Variants in PHACTR1 observed in about 807,000 individuals in gnomAD.
The protein encoded by PHACTR1 is phosphatase and actin regulator 1.
A neutral mutation model predicts 69.2 loss-of-function variants in PHACTR1; 16 were observed. The ratio of observed to expected loss-of-function variants is 0.23; its 90% confidence interval spans 0.16 to 0.35. PHACTR1 has a LOEUF of 0.35. Among genes scored for constraint, PHACTR1 ranks in the 10% least tolerant of loss-of-function variants. PHACTR1 has a pLI of 1.00. For synonymous variants in PHACTR1, 312 were observed against 284.5 expected, an observed-to-expected ratio of 1.10 and a Z score of -0.97; for missense variants, 510 against 734.7, an observed-to-expected ratio of 0.69 and a Z score of 3.54.
Position 13,283,378 on chromosome 6 carries a change from C to CAACCCTTCTGGCT in PHACTR1, c.1510-43_1510-31dup, listed in dbSNP as rs1562125055. On this transcript the variant is annotated intron_variant, in intron 12 of 14. Coordinates refer to ENST00000332995, the MANE Select transcript of PHACTR1 (RefSeq NM_030948.6). The surrounding 1 kb of genome is among the most constrained non-coding windows in gnomAD (Gnocchi z 4.7). ...CACAGACAGGACCAAGTGCCATGGTCAACCCTTCTGGCTGACTGGGTCCAT... is the reference window on the plus strand; with the variant it reads ...CACAGACAGGACCAAGTGCCATGGTCAACCCTTCTGGCTAACCCTTCTGGCTGACTGGGTCCAT... The CAACCCTTCTGGCT allele has an allele frequency of 6.3e-7, 1 of 1,597,142 alleles. No homozygotes were observed. Among genetic ancestry groups the CAACCCTTCTGGCT allele is most frequent in the East Asian group, 2.3e-5 (1 of 43,930 alleles).
chr6:12,754,478 A>C (rs142572934), intron 4 of PHACTR1, among the ~76,000 whole-genome samples: 1 of 152,262 alleles, frequency 6.6e-6, no homozygotes, highest in East Asian at 1.9e-4. Context: ...TGCTTCCTGT[A>C]TTTGGTAGGC....
intron 4 of PHACTR1, among the ~76,000 whole-genome samples, chr6:12,833,470 G>A (rs1468980242): frequency 1.3e-5 from 2 of 151,918 alleles, no homozygotes. Context: ...TGTTGGCCAG[G>A]CTGGTCTCAA....
At chr6:12,952,075 A>T (rs921277740) in intron 4 of PHACTR1, among the ~76,000 whole-genome samples, 3 of 152,230 alleles carry the variant, frequency 2.0e-5, no homozygotes, top group African/African-American at 7.2e-5. Flanking sequence ...ATATTTTAAA[A>T]AAACAGGCAT....
chr6:12,974,088 A>C (rs1319296892), intron 4 of PHACTR1, among the ~76,000 whole-genome samples: 1 of 151,760 alleles, frequency 6.6e-6, no homozygotes, highest in African/African-American at 2.4e-5. Context: ...CGCCCGGCTA[A>C]TTTTTGTATT....
intron 5 of PHACTR1, among the ~76,000 whole-genome samples, chr6:13,151,304 C>T (rs1397376579): frequency 6.6e-6 from 1 of 152,226 alleles, no homozygotes; most frequent in Non-Finnish European, 1.5e-5. Context: ...GTAATCTGAG[C>T]AGGACCAAAT....
At chr6:12,809,487 A>C (rs1477901536) in intron 4 of PHACTR1, among the ~76,000 whole-genome samples, 1 of 152,194 alleles carries the variant, frequency 6.6e-6, no homozygotes, top group African/African-American at 2.4e-5. Context: ...CCAAACTGGC[A>C]TGAGAGATGA....
At chr6:13,227,719 C>A in intron 8 of PHACTR1, 97 bp from the exon 9 acceptor site, 1 of 1,472,860 alleles carries the variant, frequency 6.8e-7, no homozygotes, top group Admixed American at 2.0e-5. Context: ...CCCTTTGTCT[C>A]TTAGGACTGG....
Position 13,143,180 on chromosome 6 carries a change from C to CA in PHACTR1, c.416-17017dup, listed in dbSNP as rs549502945. Among the ~76,000 whole-genome samples, 107 of 151,940 alleles carry CA rather than the reference C, an allele frequency of 7.0e-4. 1 individual carries two copies. In the East Asian group the frequency reaches 0.018, roughly 25 times the overall value. On this transcript the variant is annotated intron_variant, in intron 5 of 14. Coordinates refer to ENST00000332995, the MANE Select transcript of PHACTR1 (RefSeq NM_030948.6). The stretch of plus-strand genomic sequence containing the variant: ...GGGAAGTGGAGATGGTTAATGGGTA[C>CA]AAAAAAATAGTTGAAAATGAATAAG...
At chr6:13,064,037 TA>T (rs1808108792) in intron 5 of PHACTR1, among the ~76,000 whole-genome samples, 1 of 152,222 alleles carries the variant, frequency 6.6e-6, no homozygotes, top group African/African-American at 2.4e-5. Flanking sequence ...ACAACTTCTA[TA>T]AATATTGTGT....
At chr6:13,151,964 C>T (rs1488607371) in intron 5 of PHACTR1, among the ~76,000 whole-genome samples, 1 of 151,858 alleles carries the variant, frequency 6.6e-6, no homozygotes, top group South Asian at 2.1e-4. Context: ...TTTAAATGCC[C>T]TATTTTTAAC....
intron 4 of PHACTR1, among the ~76,000 whole-genome samples, chr6:12,774,176 T>C (rs561891915): frequency 5.9e-5 from 9 of 152,336 alleles, no homozygotes; most frequent in Admixed American, 2.6e-4. Context: ...TTTTAGCCTT[T>C]CATATGTTTT....
At chr6:12,966,298 T>C (rs1180898377) in intron 4 of PHACTR1, among the ~76,000 whole-genome samples, 1 of 152,212 alleles carries the variant, frequency 6.6e-6, no homozygotes, top group Non-Finnish European at 1.5e-5. Context: ...ATGATGTCAT[T>C]GAATCCTCAC....
chr6:13,204,620 T>C (rs1335905077), intron 7 of PHACTR1, among the ~76,000 whole-genome samples: 1 of 152,270 alleles, frequency 6.6e-6, no homozygotes. Context: ...AACCCAGCAG[T>C]TGGTCCTAGG....
intron 7 of PHACTR1, among the ~76,000 whole-genome samples, chr6:13,200,571 A>C (rs548011395): frequency 6.6e-6 from 1 of 152,178 alleles, no homozygotes; most frequent in Non-Finnish European, 1.5e-5. Flanking sequence ...TGCTCTAAGA[A>C]ATAGTGCCCT....
chr6:12,865,416 A>G (rs536806145), intron 4 of PHACTR1, among the ~76,000 whole-genome samples: 1 of 152,206 alleles, frequency 6.6e-6, no homozygotes, highest in East Asian at 1.9e-4. Context: ...TCTAGATTCC[A>G]ATATGAGGCT....
chr6:12,731,455 G>A (rs1763513998), intron 3 of PHACTR1, among the ~76,000 whole-genome samples: 1 of 152,214 alleles, frequency 6.6e-6, no homozygotes. Context: ...TCTCTGAAAA[G>A]CTAGACCACA....
At chr6:12,994,950 A>G (rs1427240959) in intron 4 of PHACTR1, among the ~76,000 whole-genome samples, 1 of 152,176 alleles carries the variant, frequency 6.6e-6, no homozygotes, top group African/African-American at 2.4e-5. Context: ...TTTGTTAATC[A>G]TAGACCCTCA....
intron 8 of PHACTR1, among the ~76,000 whole-genome samples, chr6:13,212,898 C>T (rs1767091695): frequency 6.6e-6 from 1 of 152,182 alleles, no homozygotes; most frequent in African/African-American, 2.4e-5. Context: ...ACCCTCCTCG[C>T]AACACAGCCT....
chr6:12,861,443 G>A (rs1464170466), intron 4 of PHACTR1, among the ~76,000 whole-genome samples: 6 of 152,210 alleles, frequency 3.9e-5, no homozygotes, highest in Non-Finnish European at 8.8e-5. Context: ...CTCAAGTTAA[G>A]ACAGGCATTT....
Sources: allele counts gnomAD v4.1 joint callset (sites outside exome capture counted in the v4.1 genomes callset), GRCh38; gene constraint gnomAD v4.1.1; non-coding constraint Gnocchi (gnomAD v3.1); transcripts MANE v1.5; gene names NCBI Gene and HGNC (gene_info 2026-07-23, HGNC 2026-07-21).